Variants in NRXN3 observed in about 807,000 individuals in gnomAD.
NRXN3 encodes the protein neurexin III.
Under a neutral mutation model 137.6 loss-of-function variants are expected in NRXN3, and 32 were observed. That is an observed-to-expected ratio of 0.23 (90% confidence interval 0.18 to 0.31). The LOEUF (loss-of-function observed/expected upper bound fraction) is 0.31. NRXN3 is among the 10% of genes least tolerant of loss of function. The pLI is 1.00. For synonymous variants in NRXN3, 798 were observed against 784.5 expected (o/e 1.02, Z -0.29); for missense variants, 1,574 against 2,062.5 (o/e 0.76, Z 4.59).
intron 4 of NRXN3, among the ~76,000 whole-genome samples, chr14:78,386,689 A>G (rs2090015454): frequency 6.6e-6 from 1 of 152,224 alleles, no homozygotes; most frequent in South Asian, 2.1e-4. Context: ...GCAGAGGAAG[A>G]ACTTGAATCC....
At chr14:79,005,553 A>G (rs1371840324) in intron 15 of NRXN3, among the ~76,000 whole-genome samples, 1 of 152,178 alleles carries the variant, frequency 6.6e-6, no homozygotes, top group African/African-American at 2.4e-5. Context: ...CTCCCTGGCA[A>G]TTAAGACATT....
intron 4 of NRXN3, among the ~76,000 whole-genome samples, chr14:78,431,966 A>G (rs1598591378): frequency 6.6e-6 from 1 of 151,936 alleles, no homozygotes; most frequent in African/African-American, 2.4e-5. Context: ...CCAAGGCTAC[A>G]CTCTTTCCGT....
At chr14:79,594,008 G>T (rs2552416) in intron 16 of NRXN3, among the ~76,000 whole-genome samples, 20 of 151,624 alleles carry the variant, frequency 1.3e-4, no homozygotes, top group East Asian at 3.9e-4. Flanking sequence ...TCCTTTTTTT[G>T]AAAAAAAGCT....
At chr14:78,688,293 G>C (rs2098140530) in intron 6 of NRXN3, among the ~76,000 whole-genome samples, 1 of 152,078 alleles carries the variant, frequency 6.6e-6, no homozygotes, top group Admixed American at 6.5e-5. Flanking sequence ...ATCTTACAGA[G>C]AGAAAACCAA....
chr14:79,392,448 A>G (rs2094879235), intron 15 of NRXN3, among the ~76,000 whole-genome samples: 1 of 152,178 alleles, frequency 6.6e-6, no homozygotes, highest in South Asian at 2.1e-4. Context: ...TGCTGCAATA[A>G]ACATACATGT....
At chr14:78,339,050 G>T (rs1490248035) in intron 4 of NRXN3, among the ~76,000 whole-genome samples, 1 of 152,038 alleles carries the variant, frequency 6.6e-6, no homozygotes, top group Non-Finnish European at 1.5e-5. Flanking sequence ...AGTCCTCTGT[G>T]GTCAAACAAG....
intron 15 of NRXN3, among the ~76,000 whole-genome samples, chr14:79,380,861 A>T (rs552035655): frequency 2.0e-5 from 3 of 152,192 alleles, no homozygotes; most frequent in African/African-American, 4.8e-5. Context: ...CTAGAACTAG[A>T]CCTAGATATA....
At chr14:78,759,342 G>A (rs1464222347) in intron 8 of NRXN3, among the ~76,000 whole-genome samples, 3 of 152,170 alleles carry the variant, frequency 2.0e-5, no homozygotes, top group Non-Finnish European at 2.9e-5. Flanking sequence ...CATTATATAC[G>A]ATATCTCTTT....
intron 17 of NRXN3, among the ~76,000 whole-genome samples, chr14:79,673,040 C>T (rs746194992): frequency 2.0e-5 from 3 of 151,968 alleles, no homozygotes; most frequent in Non-Finnish European, 2.9e-5. Context: ...CTGTAAATCA[C>T]TCAATCGATT....
At chr14:78,438,324 A>AC (rs1359886031) in intron 4 of NRXN3, among the ~76,000 whole-genome samples, 1 of 152,128 alleles carries the variant, frequency 6.6e-6, no homozygotes, top group African/African-American at 2.4e-5. Context: ...TCAAAAGAGG[A>AC]ATATATAGCA....
intron 15 of NRXN3, among the ~76,000 whole-genome samples, chr14:79,371,935 A>C (rs2094122935): frequency 6.6e-6 from 1 of 152,186 alleles, no homozygotes; most frequent in Non-Finnish European, 1.5e-5. Flanking sequence ...ATATAGAAAA[A>C]TAAATAAGTA....
intron 8 of NRXN3, among the ~76,000 whole-genome samples, chr14:78,769,096 A>T (rs12434075): frequency 0.013 from 2,008 of 152,276 alleles, 27 homozygotes; most frequent in Middle Eastern, 0.027. Flanking sequence ...TCTAGGGTCC[A>T]TTAAGAGTTA....
intron 15 of NRXN3, among the ~76,000 whole-genome samples, chr14:79,251,894 C>T (rs2075983830): frequency 6.6e-6 from 1 of 151,694 alleles, no homozygotes. Flanking sequence ...TCATGGCTCA[C>T]TGCAGCCTTG....
At chr14:78,426,009 T>G (rs559121180) in intron 4 of NRXN3, among the ~76,000 whole-genome samples, 8 of 152,302 alleles carry the variant, frequency 5.3e-5, no homozygotes, top group Admixed American at 2.0e-4. Context: ...GTGAAGTATG[T>G]GCTGCATAGG....
intron 15 of NRXN3, among the ~76,000 whole-genome samples, chr14:79,225,165 G>A (rs983574429): frequency 6.6e-6 from 1 of 152,140 alleles, no homozygotes; most frequent in African/African-American, 2.4e-5. Flanking sequence ...CTTGGCAGCC[G>A]CCTGTTCCAG....
At chr14:78,881,746 G>A (rs937026774) in intron 10 of NRXN3, among the ~76,000 whole-genome samples, 5 of 151,778 alleles carry the variant, frequency 3.3e-5, no homozygotes, top group African/African-American at 1.2e-4. Context: ...TGGAAAATTT[G>A]TAGCTTGCTG....
chr14:79,515,152 A>G (rs1439699339), intron 16 of NRXN3, among the ~76,000 whole-genome samples: 3 of 150,694 alleles, frequency 2.0e-5, no homozygotes, highest in African/African-American at 5.0e-5. Flanking sequence ...CTGTGGGCTA[A>G]GTTTAGCATG....
At chr14:79,362,892 C>T (rs1192138843) in intron 15 of NRXN3, among the ~76,000 whole-genome samples, 1 of 152,146 alleles carries the variant, frequency 6.6e-6, no homozygotes, top group Non-Finnish European at 1.5e-5. Context: ...ATTTAGAGTC[C>T]TGGCAGAACA....
At chr14:79,694,209 A>C (rs1411282332) in intron 18 of NRXN3, among the ~76,000 whole-genome samples, 1 of 151,882 alleles carries the variant, frequency 6.6e-6, no homozygotes, top group Non-Finnish European at 1.5e-5. Flanking sequence ...TAGACAATCC[A>C]CTTAACCTCT....
Sources: gnomAD v4.1 joint callset for allele counts (sites outside exome capture counted in the v4.1 genomes callset) on GRCh38, gnomAD v4.1.1 for gene constraint, MANE v1.5 for transcripts, NCBI Gene and HGNC (gene_info 2026-07-23, HGNC 2026-07-21) for gene names.